Variants in AP1S2 observed in about 807,000 individuals in gnomAD.
AP1S2 encodes AP-1 complex subunit sigma-2.
Under a neutral mutation model 14.3 loss-of-function variants are expected in AP1S2, and 1 was observed. The ratio of observed to expected loss-of-function variants is 0.07; its 90% CI spans 0.02 to 0.33. AP1S2 has a LOEUF of 0.33. Ranked by LOEUF, AP1S2 falls within the 10% of genes least tolerant of loss-of-function variation. The pLI is 0.99. For synonymous variants in AP1S2, 30 were observed against 40.5 expected (o/e 0.74, Z 0.99); for missense variants, 30 against 117.7 (o/e 0.25, Z 3.45).
chrX:15,827,361 G>A lies in AP1S2; in HGVS notation c.447C>T (p.Thr149=). The part of the protein sequence containing the change: ...LLQEDAKEAE[T]PRSVLEEIGL... ...CAATTTCTTCAAGAACACTACGTGGGGTTTCAGCTTCCTGTGGAGGGAAAA... is the reference window on the plus strand; with the variant it reads ...CAATTTCTTCAAGAACACTACGTGGAGTTTCAGCTTCCTGTGGAGGGAAAA... The change falls in exon 6 of 6, where the codon ACC becomes ACT. Residue 149 remains threonine, a synonymous_variant. Transcript: ENST00000672987. 8.3e-7 allele frequency: 1 copy of A among 1,208,131 alleles called. No homozygotes were observed. The highest frequency in any genetic ancestry group is 1.1e-6 in the Non-Finnish European group (1 of 892,094).
At chrX:15,840,388 T>C in intron 4 of AP1S2, 1 of 343,409 alleles carries the variant, frequency 2.9e-6, no homozygotes, top group Non-Finnish European at 4.6e-6. Flanking sequence ...TATTTAACTA[T>C]TTGATCTTCA....
At position 15,826,220 on chromosome X, in the gene AP1S2, ATAAG is replaced by A. The variant is rs1933254392; in HGVS notation, c.*1101_*1104del. On this transcript the variant is annotated 3_prime_UTR_variant, in exon 6 of 6. Coordinates refer to ENST00000672987, the MANE Select transcript of AP1S2 (RefSeq NM_001272071.2). ...ACCATGAAGACATGTTTAGATATGTATAAGTACTTAGAAAAGTGACGCTGAACAA... is the reference window on the plus strand; with the variant it reads ...ACCATGAAGACATGTTTAGATATGTATACTTAGAAAAGTGACGCTGAACAA... 8.9e-6 allele frequency: 1 copy of A among 112,669 alleles called. No homozygotes were observed. The highest frequency in any genetic ancestry group is 1.9e-5 in the Non-Finnish European group (1 of 53,333). 9.3% of individuals were successfully genotyped at this position (112,669 alleles called of 1,213,427 possible).
At chrX:15,854,660 G>A (rs1934286673) in intron 1 of AP1S2, 28 bp downstream of exon 1, 1 of 649,896 alleles carries the variant, frequency 1.5e-6, no homozygotes. Context: ...CCCATCCCCG[G>A]CGCCCCCTTT....
chrX:15,834,760 C>T (rs187555082), intron 4 of AP1S2, among the ~76,000 whole-genome samples: 26 of 104,931 alleles, frequency 2.5e-4, no homozygotes, highest in African/African-American at 9.0e-4. Context: ...GCTGGGATTA[C>T]ATAGTGAACC....
intron 2 of AP1S2, among the ~76,000 whole-genome samples, chrX:15,849,486 G>A (rs764679302): frequency 4.4e-5 from 5 of 112,652 alleles, no homozygotes; most frequent in Admixed American, 1.9e-4. Context: ...AAGGGGGAAC[G>A]TATAGAGAAA....
At chrX:15,839,353 C>T (rs1347564569) in intron 4 of AP1S2, among the ~76,000 whole-genome samples, 1 of 112,148 alleles carries the variant, frequency 8.9e-6, no homozygotes, top group Non-Finnish European at 1.9e-5. Flanking sequence ...ATGCTTTTTG[C>T]TGTTAAATGA....
chrX:15,852,787 C>A, intron 1 of AP1S2: 4 of 665,274 alleles, frequency 6.0e-6, no homozygotes, highest in Non-Finnish European at 7.2e-6. Flanking sequence ...GGGTAATAAG[C>A]TGAAGTGAAA....
intron 2 of AP1S2, among the ~76,000 whole-genome samples, chrX:15,846,422 G>A (rs2147319848): frequency 9.0e-6 from 1 of 111,635 alleles, no homozygotes. Flanking sequence ...ATAATGCCAA[G>A]GTGAGGTCAA....
chrX:15,843,885 A>G (rs1044244636), intron 4 of AP1S2, among the ~76,000 whole-genome samples: 2 of 112,109 alleles, frequency 1.8e-5, no homozygotes, highest in South Asian at 7.4e-4. Flanking sequence ...TAGTCAGCGC[A>G]CCTGATATTA....
chrX:15,845,726 A>T (rs969636853), intron 3 of AP1S2, among the ~76,000 whole-genome samples, 177 bp downstream of exon 3: 3 of 111,173 alleles, frequency 2.7e-5, no homozygotes, highest in Non-Finnish European at 5.7e-5. Context: ...CAAGCTAAAT[A>T]AGACTGGGCT....
At chrX:15,852,962 G>A (rs1288630797) in intron 1 of AP1S2, 2 of 481,713 alleles carry the variant, frequency 4.2e-6, no homozygotes, top group African/African-American at 2.6e-5. Flanking sequence ...TCCTGAGGCC[G>A]TTCTAGTTCC....
intron 4 of AP1S2, among the ~76,000 whole-genome samples, 178 bp from the exon 5 acceptor site, chrX:15,828,378 G>A (rs976653586): frequency 9.0e-6 from 1 of 111,588 alleles, no homozygotes; most frequent in Non-Finnish European, 1.9e-5. Context: ...CATATGTTGA[G>A]ATTAAGTGAA....
At chrX:15,851,702 A>G (rs977504705) in intron 2 of AP1S2, among the ~76,000 whole-genome samples, 4 of 112,179 alleles carry the variant, frequency 3.6e-5, no homozygotes, top group Admixed American at 1.9e-4. Context: ...AAGCCAATCT[A>G]TGAGTCATTT....
intron 2 of AP1S2, among the ~76,000 whole-genome samples, chrX:15,850,440 C>T (rs1186943207): frequency 1.8e-5 from 2 of 110,163 alleles, no homozygotes; most frequent in Admixed American, 1.9e-4. Context: ...CAGGCTTGAA[C>T]TCCCAGGCAC....
At chrX:15,836,312 C>T (rs1327951336) in intron 4 of AP1S2, among the ~76,000 whole-genome samples, 1 of 111,635 alleles carries the variant, frequency 9.0e-6, no homozygotes, top group East Asian at 2.8e-4. Flanking sequence ...CAAGAAGAAA[C>T]AAACAAAAAA....
At chrX:15,834,439 A>AATATATATAT (rs1161066866) in intron 4 of AP1S2, among the ~76,000 whole-genome samples, 267 of 25,040 alleles carry the variant, frequency 0.011, 7 homozygotes, top group Non-Finnish European at 0.013. Flanking sequence ...TCCCTTCCAA[A>AATATATATAT]ATATATATAT....
chrX:15,845,252 C>T, intron 4 of AP1S2, 127 bp downstream of exon 4: 1 of 1,141,299 alleles, frequency 8.8e-7, no homozygotes, highest in Non-Finnish European at 1.2e-6. Context: ...CAATAAACTG[C>T]ACATGGATGG....
intron 4 of AP1S2, chrX:15,844,915 T>C (rs1933954283): frequency 4.7e-6 from 3 of 633,550 alleles, no homozygotes; most frequent in Admixed American, 8.6e-5. Flanking sequence ...GCTTGGCTAC[T>C]TTTGCATTTA....
intron 4 of AP1S2, among the ~76,000 whole-genome samples, chrX:15,838,558 C>T (rs896825173): frequency 9.3e-6 from 1 of 107,397 alleles, no homozygotes. Flanking sequence ...CAGGTTCCAA[C>T]CCTAGGGCTC....
Sources: gnomAD v4.1 joint callset for allele counts (sites outside exome capture counted in the v4.1 genomes callset) on GRCh38, gnomAD v4.1.1 for gene constraint, MANE v1.5 for transcripts, NCBI Gene and HGNC (gene_info 2026-07-23, HGNC 2026-07-21) for gene names.